Variants in PLB1 observed in about 807,000 individuals in gnomAD.
The protein encoded by PLB1 is phospholipase B1, also known as phospholipase B1, membrane-associated.
A neutral mutation model predicts 227.4 loss-of-function variants in PLB1; 242 were observed. The ratio of observed to expected loss-of-function variants is 1.06; its 90% CI spans 0.96 to 1.18. PLB1 has a LOEUF of 1.18. Ranked by LOEUF, PLB1 falls within the 50% of genes most tolerant of loss-of-function variation. PLB1 has a pLI of 0.00. For missense variants in PLB1, 1,858 were observed against 1,816.3 expected (o/e 1.02, Z -0.42); for synonymous variants, 757 against 682.2 (o/e 1.11, Z -1.71).
intron 1 of PLB1, among the ~76,000 whole-genome samples, chr2:28,510,238 A>G (rs996653034): frequency 1.3e-5 from 2 of 152,218 alleles, no homozygotes; most frequent in Admixed American, 1.3e-4. Context: ...GGCAGGTATT[A>G]TCAACCTCAC....
intron 1 of PLB1, among the ~76,000 whole-genome samples, chr2:28,505,339 C>T (rs1667530480): frequency 6.6e-6 from 1 of 152,160 alleles, no homozygotes; most frequent in Non-Finnish European, 1.5e-5. Flanking sequence ...ACTCAACAAG[C>T]AATACATATG....
In PLB1 at chr2:28,602,845, G is replaced by A. The variant is rs142314104; in HGVS notation, c.2698G>A (p.Val900Met). The change falls in exon 39 of 58, where the codon GTG (valine) becomes ATG (methionine). Residue 900 changes from valine to methionine, a missense_variant. Coordinates refer to ENST00000327757, the MANE Select transcript of PLB1 (RefSeq NM_153021.5). ...GGTGCCCAGAGTCCTGGTCAACCTC[G>A]TGGACTTCCTGAACCCCACTATCAT... The part of the protein sequence containing the change: ...REVPRVLVNL[V>M]DFLNPTIMRQ... The A allele has an allele frequency of 8.4e-4, 1,358 of 1,614,114 alleles. 2 individuals carry two copies. Among genetic ancestry groups the A allele is most frequent in the Non-Finnish European group, 1.1e-3 (1,243 of 1,179,984 alleles).
intron 14 of PLB1, among the ~76,000 whole-genome samples, chr2:28,547,473 C>G (rs1673475408): frequency 6.6e-6 from 1 of 152,238 alleles, no homozygotes; most frequent in African/African-American, 2.4e-5. Context: ...CTCTTTCAGT[C>G]TGGCTGAAGA....
intron 25 of PLB1, chr2:28,585,481 C>G: frequency 3.1e-6 from 1 of 327,728 alleles, no homozygotes; most frequent in Non-Finnish European, 5.9e-6. Context: ...TTCGCTATGT[C>G]AGCCAGCCTG....
intron 14 of PLB1, among the ~76,000 whole-genome samples, chr2:28,545,919 G>A (rs1409214798): frequency 1.3e-5 from 2 of 152,076 alleles, no homozygotes; most frequent in South Asian, 2.1e-4. Context: ...AGACACCCCC[G>A]GACACAGCTG....
chr2:28,641,739 C>G (rs1689999314), intron 57 of PLB1, among the ~76,000 whole-genome samples: 1 of 152,194 alleles, frequency 6.6e-6, no homozygotes, highest in African/African-American at 2.4e-5. Context: ...GCCACACCCA[C>G]TGCCCTTGCC....
intron 43 of PLB1, among the ~76,000 whole-genome samples, chr2:28,612,875 C>T (rs1475924052): frequency 6.6e-6 from 1 of 150,732 alleles, no homozygotes; most frequent in African/African-American, 2.5e-5. Flanking sequence ...CCCTTGGCCT[C>T]CCAAAGTGCT....
intron 1 of PLB1, among the ~76,000 whole-genome samples, chr2:28,503,796 C>T (rs1289219618): frequency 1.3e-5 from 2 of 152,144 alleles, no homozygotes; most frequent in African/African-American, 4.8e-5. Context: ...AATGTCCGGT[C>T]CCCAAAGTCA....
At position 28,594,068 on chromosome 2, in the gene PLB1, G is replaced by A. The variant is rs369818161; in HGVS notation, c.2321+314G>A. 17 of 666,156 alleles carry A rather than the reference G, an allele frequency of 2.6e-5. 1 individual carries two copies. The highest frequency in any genetic ancestry group is 4.1e-5 in the South Asian group (3 of 72,644). The allele number at this position is 666,156 out of a possible 1,614,324, so 41.3% of individuals were successfully genotyped here. On this transcript the variant is annotated intron_variant, in intron 33 of 57. Coordinates refer to ENST00000327757, the MANE Select transcript of PLB1 (RefSeq NM_153021.5). The stretch of plus-strand genomic sequence containing the variant: ...CAAATCCCTGAATCTTCACCTCCCC[G>A]CTTGCATGTATACGTGTACACGTGG...
At chr2:28,553,639 C>G (rs1674574570) in intron 17 of PLB1, among the ~76,000 whole-genome samples, 1 of 152,138 alleles carries the variant, frequency 6.6e-6, no homozygotes, top group Admixed American at 6.5e-5. Flanking sequence ...CTGAGTGACT[C>G]AAAACATCAG....
intron 17 of PLB1, among the ~76,000 whole-genome samples, chr2:28,557,474 G>T (rs1396872415): frequency 6.6e-6 from 1 of 152,180 alleles, no homozygotes; most frequent in Non-Finnish European, 1.5e-5. Flanking sequence ...TTTCAGATTA[G>T]GGCCCCAGGT....
chr2:28,558,238 C>G (rs895317090), intron 17 of PLB1, among the ~76,000 whole-genome samples: 2 of 151,812 alleles, frequency 1.3e-5, no homozygotes, highest in African/African-American at 4.8e-5. Context: ...GTTTCAGCTG[C>G]CTCTTTAGCA....
At chr2:28,497,411 G>A (rs1666582257) in intron 1 of PLB1, among the ~76,000 whole-genome samples, 1 of 152,214 alleles carries the variant, frequency 6.6e-6, no homozygotes, top group South Asian at 2.1e-4. Context: ...GAGTGGGAAA[G>A]TTTCACAGTG....
intron 55 of PLB1, 67 bp from the exon 56 acceptor site, chr2:28,632,877 A>T: frequency 1.7e-6 from 2 of 1,182,666 alleles, no homozygotes; most frequent in Middle Eastern, 1.9e-4. Flanking sequence ...ACCTGCTGGG[A>T]GAGTGAGTGG....
At chr2:28,519,896 T>C in intron 4 of PLB1, 133 bp downstream of exon 4, 1 of 426,256 alleles carries the variant, frequency 2.3e-6, no homozygotes, top group Admixed American at 3.9e-5. Flanking sequence ...ATCCAGGAGG[T>C]TGAATCTTTT....
At chr2:28,539,938 A>G (rs943586371) in intron 11 of PLB1, among the ~76,000 whole-genome samples, 17 of 148,522 alleles carry the variant, frequency 1.1e-4, no homozygotes, top group South Asian at 2.1e-4. Context: ...GCTTCCCTCT[A>G]TCCCATAGCC....
chr2:28,637,014 C>A (rs1027111540), intron 56 of PLB1, among the ~76,000 whole-genome samples: 5 of 152,140 alleles, frequency 3.3e-5, no homozygotes. Context: ...TTACTTGAGG[C>A]CGGGTACAGT....
chr2:28,614,046 A>G lies in PLB1; in HGVS notation c.3145A>G (p.Arg1049Gly). ...TTTCTCTTAGAATGAGCCCTTCCTG[A>G]GAACCCCTCGGAATAGTAACTACAC... The part of the protein sequence containing the change: ...TCPTQNEPFL[R>G]TPRNSNYTYP... The change falls in exon 44 of 58, where the codon AGA becomes GGA. Residue 1049 changes from arginine (R) to glycine (G), a missense_variant. Arg to Gly is a moderately radical substitution (Grantham distance 125). Coordinates refer to ENST00000327757, the MANE Select transcript of PLB1 (RefSeq NM_153021.5). 1 of 1,612,830 alleles carries G rather than the reference A, an allele frequency of 6.2e-7. No homozygotes were observed. The highest frequency in any genetic ancestry group is 8.5e-7 in the Non-Finnish European group (1 of 1,178,978).
chr2:28,504,120 T>C (rs753622127), intron 1 of PLB1, among the ~76,000 whole-genome samples: 2 of 152,214 alleles, frequency 1.3e-5, no homozygotes, highest in Non-Finnish European at 2.9e-5. Flanking sequence ...TTGCCTCTAC[T>C]TGATTATTTC....
Sources: allele counts gnomAD v4.1 joint callset (sites outside exome capture counted in the v4.1 genomes callset), GRCh38; gene constraint gnomAD v4.1.1; transcripts MANE v1.5; gene names NCBI Gene and HGNC (gene_info 2026-07-23, HGNC 2026-07-21).